Variants in THBS2 observed in about 807,000 individuals in gnomAD.
The protein encoded by THBS2 is thrombospondin-2.
Under a neutral mutation model 135.2 loss-of-function variants are expected in THBS2, and 47 were observed. The observed-to-expected ratio is 0.35, with a 90% CI of 0.28 to 0.44. THBS2 has a LOEUF of 0.44. Among genes scored for constraint, THBS2 ranks in the 20% least tolerant of loss-of-function variants. The probability of loss-of-function intolerance (pLI) is 1.00; values close to 1 mark genes in which losing one functional copy is unlikely to be tolerated. For synonymous variants in THBS2, 639 were observed against 633.8 expected (o/e 1.01, Z -0.12); for missense variants, 1,288 against 1,603.1 (o/e 0.80, Z 3.36).
chr6:169,231,533 C>T (rs1438568223), intron 13 of THBS2, among the ~76,000 whole-genome samples: 1 of 152,212 alleles, frequency 6.6e-6, no homozygotes, highest in African/African-American at 2.4e-5. Flanking sequence ...GGAGCTCCTT[C>T]TTCCAGCTGA....
At chr6:169,224,141 T>TAGAA (rs10661544) in intron 17 of THBS2, among the ~76,000 whole-genome samples, 108,570 of 151,852 alleles carry the variant, frequency 0.71, 39,487 homozygotes, top group African/African-American at 0.85. Context: ...CCTGCCGTTT[T>TAGAA]GGAGGAAAGG....
At position 169,225,504 on chromosome 6, in the gene THBS2, A is replaced by G. The variant is rs1272426620; in HGVS notation, c.2539-125T>C. The stretch of plus-strand genomic sequence containing the variant: ...TGCAGCACAAGCCCCAGGGCCACGC[A>G]GGGGCGGCTGGCCCGAGGTCACACT... On this transcript the variant is annotated intron_variant, in intron 16 of 21. Coordinates refer to ENST00000617924, the MANE Select transcript of THBS2 (RefSeq NM_003247.5). 5.1e-6 allele frequency: 5 copies of G among 976,448 alleles called. No individual in the cohort carries two copies. The African/African-American group carries it at 8.1e-5, about 16-fold the overall frequency. The allele number at this position is 976,448 out of a possible 1,614,324, so 60.5% of individuals were successfully genotyped here.
intron 9 of THBS2, 60 bp downstream of exon 9, chr6:169,237,110 T>A: frequency 6.5e-7 from 1 of 1,534,792 alleles, no homozygotes. Context: ...CAGCTGTGGC[T>A]GCTCACTGTG....
chr6:169,250,424 A>G (rs954966621), intron 2 of THBS2, among the ~76,000 whole-genome samples: 2 of 152,248 alleles, frequency 1.3e-5, no homozygotes, highest in African/African-American at 2.4e-5. Flanking sequence ...AAGGAGGAAG[A>G]AAGTGGAGCA....
chr6:169,221,538 A>C lies in THBS2; in HGVS notation c.3274-11T>G, dbSNP rs1439636155. On this transcript the variant is annotated splice_polypyrimidine_tract_variant and intron_variant, in intron 19 of 21. Coordinates refer to ENST00000617924, the MANE Select transcript of THBS2 (RefSeq NM_003247.5). Reference sequence around the variant, plus strand: ...CCATAAGGTTCGCACCTGAGAGAGAACATAGCACTCTTGAGTGCCATGGGC... The same window carrying C: ...CCATAAGGTTCGCACCTGAGAGAGACCATAGCACTCTTGAGTGCCATGGGC... 1.2e-6 allele frequency: 2 copies of C among 1,613,556 alleles called. No homozygotes were observed. Among genetic ancestry groups the C allele is most frequent in the Middle Eastern group, 1.6e-4 (1 of 6,062 alleles).
In THBS2 at chr6:169,216,510, A is replaced by AT. The variant is rs1195647949; in HGVS notation, c.*1311dup. On this transcript the variant is annotated 3_prime_UTR_variant, in exon 22 of 22. Coordinates refer to ENST00000617924, the MANE Select transcript of THBS2 (RefSeq NM_003247.5). Reference sequence around the variant, plus strand: ...GTGTGCCTGGCAAGACTAAATGCTGATTCTTTTCAGCGTTTGAATTAAAAG... The same window carrying AT: ...GTGTGCCTGGCAAGACTAAATGCTGATTTCTTTTCAGCGTTTGAATTAAAAG... 1 of 90,766 alleles carries AT rather than the reference A, an allele frequency of 1.1e-5. No homozygotes were observed. The highest frequency in any genetic ancestry group is 5.7e-5 in the African/African-American group (1 of 17,514). 5.6% of individuals were successfully genotyped at this position (90,766 alleles called of 1,614,324 possible).
At chr6:169,223,115 C>A in intron 18 of THBS2, 133 bp downstream of exon 18, 1 of 797,370 alleles carries the variant, frequency 1.3e-6, no homozygotes, top group East Asian at 2.7e-5. Context: ...GTTTCACAGA[C>A]CATGGAAGGA....
intron 7 of THBS2, 82 bp downstream of exon 7, chr6:169,239,517 A>C: frequency 7.2e-7 from 1 of 1,393,796 alleles, no homozygotes; most frequent in Admixed American, 2.0e-5. Context: ...CTTCTCTGCC[A>C]AAACCAACCA....
intron 12 of THBS2, 88 bp downstream of exon 12, chr6:169,232,576 T>C: frequency 6.6e-7 from 1 of 1,522,920 alleles, no homozygotes; most frequent in Non-Finnish European, 8.8e-7. Flanking sequence ...ACGCCACCCC[T>C]TCCTCTCCTT....
intron 19 of THBS2, 107 bp from the exon 20 acceptor site, chr6:169,221,634 T>A: frequency 1.1e-6 from 1 of 915,614 alleles, no homozygotes; most frequent in Non-Finnish European, 1.8e-6. Context: ...AGTTCATGCT[T>A]AAGGCTCATG....
rs751919751 is a variant in THBS2, at chr6:169,239,576, G to A, written c.1129+23C>T. 133 of 1,571,188 alleles carry A rather than the reference G, an allele frequency of 8.5e-5. 1 individual carries two copies. In the South Asian group the frequency reaches 1.3e-3, roughly 16 times the overall value. ...TGGAATTCCTAAAAATGCAGGATGC[G>A]CTTGCCGGCTGGCGATACTCACAGT... is the stretch of plus-strand genomic sequence containing the variant. On this transcript the variant is annotated intron_variant, in intron 7 of 21. Coordinates refer to ENST00000617924, the MANE Select transcript of THBS2 (RefSeq NM_003247.5).
intron 17 of THBS2, among the ~76,000 whole-genome samples, chr6:169,223,886 C>CT (rs1192755376): frequency 6.6e-6 from 1 of 152,154 alleles, no homozygotes; most frequent in African/African-American, 2.4e-5. Context: ...CTTTTATAGT[C>CT]TATTTGGCAT....
At chr6:169,239,308 G>A (rs958754480) in intron 7 of THBS2, 9 of 436,472 alleles carry the variant, frequency 2.1e-5, no homozygotes, top group East Asian at 1.2e-4. Flanking sequence ...GGGCTCCATC[G>A]GGGCCTGCTC....
intron 4 of THBS2, 52 bp from the exon 5 acceptor site, chr6:169,242,010 G>T: frequency 6.4e-7 from 1 of 1,552,670 alleles, no homozygotes; most frequent in Non-Finnish European, 8.7e-7. Flanking sequence ...GGGGCCAGCA[G>T]CAGGGGCTGG....
Position 169,248,765 on chromosome 6 carries a change from C to A in THBS2, c.261G>T (p.Thr87=). ...IMRQKEGFFL[T]AQLKQDGKSR... is the part of the protein sequence containing the mutation. ...ACTTGCCGTCCTGCTTGAGCTGGGC[C>A]GTGAGGAAGAAGCCCTCCTTCTGCC... Residue 87 remains threonine, a synonymous_variant, in exon 3 of 22, where the codon ACG becomes ACT. Transcript: ENST00000617924. 6.2e-7 allele frequency: 1 copy of A among 1,612,668 alleles called. No homozygotes were observed. Among genetic ancestry groups the A allele is most frequent in the Non-Finnish European group, 8.5e-7 (1 of 1,179,978 alleles).
At chr6:169,224,545 C>T (rs1779550653) in intron 17 of THBS2, among the ~76,000 whole-genome samples, 1 of 152,222 alleles carries the variant, frequency 6.6e-6, no homozygotes, top group Non-Finnish European at 1.5e-5. Flanking sequence ...TCAGCCAGGC[C>T]CCACTCCAAG....
chr6:169,236,211 C>A (rs545130923), intron 9 of THBS2, among the ~76,000 whole-genome samples: 1 of 119,728 alleles, frequency 8.4e-6, no homozygotes. Context: ...CCCATAAACA[C>A]CATCCACACT....
At chr6:169,240,717 C>T (rs1006398980) in intron 5 of THBS2, 125 bp from the exon 6 acceptor site, 4 of 1,235,268 alleles carry the variant, frequency 3.2e-6, no homozygotes, top group Non-Finnish European at 3.3e-6. Context: ...AGACTTGACT[C>T]ATCCCTGGGT....
At chr6:169,220,135 G>A (rs1482547245) in intron 21 of THBS2, 63 bp downstream of exon 21, 3 of 1,580,032 alleles carry the variant, frequency 1.9e-6, no homozygotes, top group Admixed American at 1.7e-5. Context: ...AGCGCACTGT[G>A]TACCCCTTTC....
Sources: gnomAD v4.1 joint callset for allele counts (sites outside exome capture counted in the v4.1 genomes callset) on GRCh38, gnomAD v4.1.1 for gene constraint, MANE v1.5 for transcripts, NCBI Gene and HGNC (gene_info 2026-07-23, HGNC 2026-07-21) for gene names.